ZCCHC17: variants seen among roughly 807,000 people sequenced by gnomAD.
The protein encoded by ZCCHC17 is zinc finger CCHC domain-containing protein 17.
A neutral mutation model predicts 30.6 loss-of-function variants in ZCCHC17; 18 were observed. The observed-to-expected ratio is 0.59, with a 90% confidence interval of 0.41 to 0.87. The LOEUF is 0.87. ZCCHC17 is among the 40% of genes least tolerant of loss of function. ZCCHC17 has a pLI of 0.00. For synonymous variants in ZCCHC17, 88 were observed against 92.4 expected (o/e 0.95, Z 0.27); for missense variants, 263 against 284.2 (o/e 0.93, Z 0.54).
At chr1:31,299,428 A>G (rs2148399546) in intron 1 of ZCCHC17, among the ~76,000 whole-genome samples, 1 of 152,374 alleles carries the variant, frequency 6.6e-6, no homozygotes, top group South Asian at 2.1e-4. Flanking sequence ...GACACATTCT[A>G]ACCTCTAATA....
chr1:31,361,954 G>A (rs1034274347), intron 7 of ZCCHC17, among the ~76,000 whole-genome samples: 12 of 152,136 alleles, frequency 7.9e-5, no homozygotes, highest in African/African-American at 2.9e-4. Context: ...TGGGACTACA[G>A]GCCCGCGTAA....
chr1:31,351,152 A>G (rs750379182), intron 7 of ZCCHC17, among the ~76,000 whole-genome samples: 1 of 152,130 alleles, frequency 6.6e-6, no homozygotes. Flanking sequence ...ATTATTACCT[A>G]TTAATGTCAG....
At chr1:31,303,144 G>T (rs764773590) in intron 1 of ZCCHC17, among the ~76,000 whole-genome samples, 23 of 151,472 alleles carry the variant, frequency 1.5e-4, no homozygotes, top group Non-Finnish European at 2.9e-4. Context: ...AATTAGCCAA[G>T]CTCGTTGGTG....
At chr1:31,322,707 A>G (rs1471113624) in intron 3 of ZCCHC17, among the ~76,000 whole-genome samples, 1 of 139,828 alleles carries the variant, frequency 7.2e-6, no homozygotes, top group African/African-American at 2.7e-5. Context: ...CGGAAGTCAG[A>G]GGGTAGGGCT....
intron 1 of ZCCHC17, among the ~76,000 whole-genome samples, chr1:31,307,137 ATTT>A (rs546484387): frequency 7.0e-6 from 1 of 143,058 alleles, no homozygotes. Flanking sequence ...TGCCTGGCTG[ATTT>A]TTTTTTTTTT....
intron 5 of ZCCHC17, among the ~76,000 whole-genome samples, chr1:31,339,981 T>TTTTG (rs1309274577): frequency 7.0e-6 from 1 of 143,374 alleles, no homozygotes; most frequent in East Asian, 2.0e-4. Flanking sequence ...TTTTTTTTTT[T>TTTTG]TTTGAGATGG....
chr1:31,332,400 C>A (rs1330677851), intron 3 of ZCCHC17, among the ~76,000 whole-genome samples: 1 of 152,154 alleles, frequency 6.6e-6, no homozygotes, highest in Non-Finnish European at 1.5e-5. Flanking sequence ...CCATTAATGT[C>A]TCAACTTTAA....
At chr1:31,329,630 GTGT>G (rs1638498722) in intron 3 of ZCCHC17, among the ~76,000 whole-genome samples, 1 of 152,208 alleles carries the variant, frequency 6.6e-6, no homozygotes, top group African/African-American at 2.4e-5. Context: ...ATAAAAATGA[GTGT>G]TGTTGCACTT....
intron 3 of ZCCHC17, among the ~76,000 whole-genome samples, chr1:31,326,971 C>G (rs1198128876): frequency 6.6e-6 from 1 of 152,138 alleles, no homozygotes; most frequent in Non-Finnish European, 1.5e-5. Flanking sequence ...TAGGTAGATT[C>G]TAATTTGAGC....
chr1:31,328,203 C>A (rs1314631744), intron 3 of ZCCHC17, among the ~76,000 whole-genome samples: 1 of 152,132 alleles, frequency 6.6e-6, no homozygotes, highest in East Asian at 1.9e-4. Context: ...TAATCTATTT[C>A]TGTGCTTAAT....
intron 4 of ZCCHC17, among the ~76,000 whole-genome samples, chr1:31,337,905 T>C (rs142449584): frequency 1.1e-3 from 168 of 152,298 alleles, no homozygotes; most frequent in Non-Finnish European, 2.1e-3. Flanking sequence ...TTGGGAGATA[T>C]AAGAGCGAAC....
At chr1:31,317,777 C>T (rs1222813599) in intron 2 of ZCCHC17, among the ~76,000 whole-genome samples, 1 of 152,176 alleles carries the variant, frequency 6.6e-6, no homozygotes, top group Non-Finnish European at 1.5e-5. Context: ...TACACCTATA[C>T]TATTCCACTT....
At chr1:31,334,166 A>G (rs549617594) in intron 3 of ZCCHC17, among the ~76,000 whole-genome samples, 2 of 152,324 alleles carry the variant, frequency 1.3e-5, no homozygotes, top group South Asian at 4.1e-4. Context: ...TAGGTAGGCT[A>G]TCAACCTCCA....
intron 4 of ZCCHC17, among the ~76,000 whole-genome samples, chr1:31,338,452 C>T (rs1638906759): frequency 6.6e-6 from 1 of 152,138 alleles, no homozygotes; most frequent in South Asian, 2.1e-4. Flanking sequence ...GGGATAGGAA[C>T]ATTCCAGGCA....
chr1:31,304,254 A>G (rs1569731493), intron 1 of ZCCHC17, among the ~76,000 whole-genome samples: 1 of 150,598 alleles, frequency 6.6e-6, no homozygotes, highest in Non-Finnish European at 1.5e-5. Flanking sequence ...GACTGTATCT[A>G]TCTTAATGTT....
At chr1:31,359,196 G>C (rs1441928380) in intron 7 of ZCCHC17, among the ~76,000 whole-genome samples, 1 of 152,022 alleles carries the variant, frequency 6.6e-6, no homozygotes, top group African/African-American at 2.4e-5. Flanking sequence ...GAACTCCTAG[G>C]CTCAAGAGAT....
At chr1:31,363,018 C>T (rs1235997220) in intron 7 of ZCCHC17, among the ~76,000 whole-genome samples, 3 of 151,978 alleles carry the variant, frequency 2.0e-5, no homozygotes, top group Non-Finnish European at 4.4e-5. Flanking sequence ...GTGTAACATA[C>T]ACAGTTTATA....
intron 6 of ZCCHC17, 143 bp downstream of exon 6, chr1:31,346,883 A>C (rs1639295092): frequency 4.2e-5 from 63 of 1,494,142 alleles, no homozygotes; most frequent in Non-Finnish European, 4.8e-5. Context: ...CACCAGACTC[A>C]CATCAGAGTT....
rs575360037 is a variant in ZCCHC17 at position 31,329,324 on chromosome 1, G to A, written c.125-7851G>A. Among the ~76,000 whole-genome samples the A allele has an allele frequency of 4.6e-5, 7 of 152,054 alleles. No individual in the cohort carries two copies. In the South Asian group the frequency reaches 6.2e-4, roughly 14 times the overall value. The stretch of plus-strand genomic sequence containing the variant: ...TACATGACTAGTGACTATCTATTAG[G>A]CAGTGCAACCCTATACAATTATAAA... On this transcript the variant is annotated intron_variant, in intron 3 of 7. Coordinates refer to ENST00000344147, the MANE Select transcript of ZCCHC17 (RefSeq NM_016505.4).
Sources: gnomAD v4.1 joint callset for allele counts (sites outside exome capture counted in the v4.1 genomes callset) on GRCh38, gnomAD v4.1.1 for gene constraint, MANE v1.5 for transcripts, NCBI Gene and HGNC (gene_info 2026-07-23, HGNC 2026-07-21) for gene names.